The following SGCG variants were observed in gnomAD, a reference collection of about 807,000 sequenced individuals.
The protein encoded by SGCG is sarcoglycan gamma, also known as gamma-sarcoglycan.
In SGCG, 26 loss-of-function variants were observed where a neutral mutation model predicts 29.3. That is an observed-to-expected ratio of 0.89 (90% CI 0.65 to 1.23). SGCG has a LOEUF of 1.23. SGCG is among the 50% of genes most tolerant of loss of function. The pLI is 0.00. For missense variants in SGCG, 353 were observed against 356.0 expected (o/e 0.99, Z 0.07); for synonymous variants, 145 against 129.7 (o/e 1.12, Z -0.80).
At chr13:23,247,877 C>T (rs1433871105) in intron 3 of SGCG, among the ~76,000 whole-genome samples, 4 of 148,300 alleles carry the variant, frequency 2.7e-5, no homozygotes, top group Admixed American at 6.7e-5. Context: ...CTTGAATCCA[C>T]GAGTCTCAGG....
chr13:23,301,345 A>G (rs148807079), intron 6 of SGCG, among the ~76,000 whole-genome samples: 4 of 152,358 alleles, frequency 2.6e-5, no homozygotes, highest in Admixed American at 2.6e-4. Context: ...ATAACAAAAT[A>G]GAAATTATAG....
intron 4 of SGCG, among the ~76,000 whole-genome samples, chr13:23,274,395 CTTTTTTTTTTT>C (rs869153381): frequency 1.2e-5 from 1 of 85,250 alleles, no homozygotes; most frequent in African/African-American, 4.6e-5. Context: ...CTTTCTTTCT[CTTTTTTTTTTT>C]TTTTTTTTTT....
intron 6 of SGCG, among the ~76,000 whole-genome samples, chr13:23,302,192 C>T (rs524078): frequency 0.99 from 149,807 of 151,784 alleles, 73,965 homozygotes; most frequent in Middle Eastern, 1. Flanking sequence ...AATTTTTTCC[C>T]AATATACACT....
chr13:23,244,793 G>A (rs1879637186), intron 3 of SGCG: 1 of 152,202 alleles, frequency 6.6e-6, no homozygotes, highest in Admixed American at 6.5e-5. Flanking sequence ...AAGGGCTTTG[G>A]CATCTCTAGA....
chr13:23,161,553 T>C, the SGCG span, among the ~76,000 whole-genome samples: 42 of 152,352 alleles, frequency 2.8e-4, no homozygotes, highest in African/African-American at 9.6e-4. Flanking sequence ...ATGCTTTTCT[T>C]CCTTTGATAT....
rs548710038 is a variant in SGCG, at chr13:23,195,784, G to A, written c.1-7911G>A. On this transcript the variant is annotated intron_variant, in intron 1 of 7. Transcript: ENST00000218867. ...ATCCATCTATTTTGCTATATTTAGTGTGCTGTGCTGAGCAATTTGACTAAA... is the reference window on the plus strand; with the variant it reads ...ATCCATCTATTTTGCTATATTTAGTATGCTGTGCTGAGCAATTTGACTAAA... Among the ~76,000 whole-genome samples the A allele has an allele frequency of 8.5e-5, 13 of 152,084 alleles. No individual in the cohort carries two copies. In the East Asian group the frequency reaches 2.5e-3, roughly 29 times the overall value.
At chr13:23,187,221 G>A (rs955632887) in intron 1 of SGCG, among the ~76,000 whole-genome samples, 2 of 152,158 alleles carry the variant, frequency 1.3e-5, no homozygotes, top group African/African-American at 4.8e-5. Context: ...AGCCACTCTC[G>A]CTATGGTGCC....
intron 5 of SGCG, among the ~76,000 whole-genome samples, chr13:23,288,479 TA>T (rs1337429307): frequency 1.3e-5 from 2 of 152,186 alleles, no homozygotes; most frequent in African/African-American, 2.4e-5. Flanking sequence ...TCAAATAAGC[TA>T]AAACCTCTCT....
At chr13:23,290,696 C>T (rs1051768734) in intron 5 of SGCG, among the ~76,000 whole-genome samples, 2 of 152,028 alleles carry the variant, frequency 1.3e-5, no homozygotes, top group Admixed American at 1.3e-4. Flanking sequence ...TTGAAAAGAC[C>T]GTATCAGTCC....
the SGCG span, among the ~76,000 whole-genome samples, chr13:23,173,564 A>G: frequency 6.6e-6 from 1 of 152,106 alleles, no homozygotes. Context: ...CAGTTCTGCT[A>G]TTTTCCTCCA....
the SGCG span, among the ~76,000 whole-genome samples, chr13:23,168,846 A>G: frequency 1.3e-4 from 20 of 152,138 alleles, no homozygotes; most frequent in Non-Finnish European, 2.5e-4. Flanking sequence ...TACCAAATCT[A>G]AGATGCCCAT....
chr13:23,249,694 A>G (rs1005799552), intron 3 of SGCG, among the ~76,000 whole-genome samples: 4 of 152,180 alleles, frequency 2.6e-5, no homozygotes, highest in African/African-American at 9.6e-5. Flanking sequence ...ACTCAGGAAA[A>G]TTGATCTTGG....
At chr13:23,163,758 T>A in the SGCG span, among the ~76,000 whole-genome samples, 2 of 152,114 alleles carry the variant, frequency 1.3e-5, no homozygotes, top group African/African-American at 4.8e-5. Flanking sequence ...GTTACCTGAA[T>A]AAGAAAAGGG....
chr13:23,234,497 A>C, intron 2 of SGCG, 114 bp from the exon 3 acceptor site: 1 of 733,606 alleles, frequency 1.4e-6, no homozygotes. Context: ...GGAGAAATGC[A>C]GAAAAGGTGG....
Position 23,248,195 on chromosome 13 carries a change from A to G in SGCG, c.298-2435A>G, listed in dbSNP as rs73436830. Among the ~76,000 whole-genome samples the G allele has an allele frequency of 1.8e-3, 271 of 151,640 alleles. 1 individual carries two copies. Among genetic ancestry groups the G allele is most frequent in the African/African-American group, 6.1e-3 (252 of 41,456 alleles). ...ACACCGAGTTTTCCTTTCCAAAAAAAATTTCTATCAAAAAAAAATTTTTTT... is the reference window on the plus strand; with the variant it reads ...ACACCGAGTTTTCCTTTCCAAAAAAGATTTCTATCAAAAAAAAATTTTTTT... On this transcript the variant is annotated intron_variant, in intron 3 of 7. Coordinates refer to ENST00000218867, the MANE Select transcript of SGCG (RefSeq NM_000231.3).
chr13:23,302,546 G>A (rs974437023), intron 6 of SGCG, among the ~76,000 whole-genome samples: 2 of 151,928 alleles, frequency 1.3e-5, no homozygotes, highest in African/African-American at 4.8e-5. Context: ...ATAAATGCTT[G>A]AAGTGATAAA....
At chr13:23,167,783 G>A in the SGCG span, among the ~76,000 whole-genome samples, 2 of 151,462 alleles carry the variant, frequency 1.3e-5, no homozygotes, top group East Asian at 1.9e-4. Flanking sequence ...CCAGGCTGGA[G>A]TACAATGGTA....
At chr13:23,232,930 G>A (rs1263398287) in intron 2 of SGCG, among the ~76,000 whole-genome samples, 2 of 152,160 alleles carry the variant, frequency 1.3e-5, no homozygotes, top group African/African-American at 4.8e-5. Context: ...CAAGTGTTAG[G>A]GAGGATGCAG....
At chr13:23,194,287 G>A (rs1700237529) in intron 1 of SGCG, among the ~76,000 whole-genome samples, 1 of 152,156 alleles carries the variant, frequency 6.6e-6, no homozygotes, top group Admixed American at 6.5e-5. Context: ...CTTACTCCAT[G>A]GTTTACCATC....
Sources: gnomAD v4.1 joint callset for allele counts (sites outside exome capture counted in the v4.1 genomes callset) on GRCh38, gnomAD v4.1.1 for gene constraint, MANE v1.5 for transcripts, NCBI Gene and HGNC (gene_info 2026-07-23, HGNC 2026-07-21) for gene names.